LYN: variants seen among roughly 807,000 people sequenced by gnomAD.
The protein encoded by LYN is LYN proto-oncogene, Src family tyrosine kinase.
A neutral mutation model predicts 65.0 loss-of-function variants in LYN; 12 were observed. The ratio of observed to expected loss-of-function variants is 0.18; its 90% CI spans 0.12 to 0.30. The LOEUF is 0.30. LYN is among the 10% of genes least tolerant of loss of function. The pLI, the probability that LYN is intolerant of heterozygous loss-of-function variation, is 1.00. For synonymous variants in LYN, 222 were observed against 221.2 expected (o/e 1.00, Z -0.03); for missense variants, 380 against 623.2 (o/e 0.61, Z 4.16).
At chr8:55,943,946 G>C (rs1285972741) in intron 2 of LYN, among the ~76,000 whole-genome samples, 1 of 152,110 alleles carries the variant, frequency 6.6e-6, no homozygotes, top group East Asian at 1.9e-4. Flanking sequence ...AGCTGGGCAT[G>C]GTGGCACATG....
At chr8:55,994,836 C>T (rs887177454) in intron 10 of LYN, among the ~76,000 whole-genome samples, 7 of 152,182 alleles carry the variant, frequency 4.6e-5, no homozygotes, top group African/African-American at 1.7e-4. Context: ...GGGACAGAGT[C>T]AGCTATGACC....
chr8:55,922,978 C>T (rs894563648), intron 1 of LYN, among the ~76,000 whole-genome samples: 2 of 152,024 alleles, frequency 1.3e-5, no homozygotes, highest in Non-Finnish European at 2.9e-5. Context: ...ACTATCTGCT[C>T]CATGCCTTTC....
At chr8:55,948,606 G>C (rs1324220587) in intron 4 of LYN, among the ~76,000 whole-genome samples, 1 of 152,188 alleles carries the variant, frequency 6.6e-6, no homozygotes, top group Non-Finnish European at 1.5e-5. Context: ...ATTCTAGCTT[G>C]CTTTTCTTAC....
At chr8:55,970,884 A>G (rs1016108334) in intron 10 of LYN, among the ~76,000 whole-genome samples, 2 of 152,196 alleles carry the variant, frequency 1.3e-5, no homozygotes, top group African/African-American at 2.4e-5. Flanking sequence ...GTAAAACAGA[A>G]TGGTAATTCC....
chr8:55,903,698 C>G (rs1805343954), intron 1 of LYN, among the ~76,000 whole-genome samples: 1 of 152,154 alleles, frequency 6.6e-6, no homozygotes, highest in East Asian at 1.9e-4. Context: ...GTATGATTAA[C>G]CTGGCTATTA....
chr8:55,967,638 T>C (rs1807501767), intron 9 of LYN, among the ~76,000 whole-genome samples: 1 of 152,198 alleles, frequency 6.6e-6, no homozygotes, highest in Non-Finnish European at 1.5e-5. Context: ...TTATCTAATA[T>C]TCATTTTCCT....
At chr8:55,923,281 G>A (rs1585602406) in intron 1 of LYN, among the ~76,000 whole-genome samples, 2 of 152,280 alleles carry the variant, frequency 1.3e-5, no homozygotes, top group South Asian at 4.1e-4. Flanking sequence ...TGCGGGCAAT[G>A]TGAGAGATAA....
At chr8:55,921,204 T>C (rs1805938229) in intron 1 of LYN, among the ~76,000 whole-genome samples, 1 of 152,256 alleles carries the variant, frequency 6.6e-6, no homozygotes, top group Non-Finnish European at 1.5e-5. Flanking sequence ...GAATTGCTGC[T>C]GACCACAAAC....
At chr8:55,921,964 A>C (rs1415002890) in intron 1 of LYN, among the ~76,000 whole-genome samples, 1 of 152,216 alleles carries the variant, frequency 6.6e-6, no homozygotes, top group African/African-American at 2.4e-5. Context: ...CCCTGCTCTC[A>C]TGGAGCTTAC....
chr8:55,988,934 T>G (rs1230521142), intron 10 of LYN, among the ~76,000 whole-genome samples: 2 of 151,666 alleles, frequency 1.3e-5, no homozygotes, highest in African/African-American at 2.4e-5. Flanking sequence ...GCCTTGCTTG[T>G]CTTTGCCAAT....
At chr8:55,958,271 A>T (rs550951557) in intron 8 of LYN, among the ~76,000 whole-genome samples, 21 of 152,300 alleles carry the variant, frequency 1.4e-4, no homozygotes, top group Non-Finnish European at 2.9e-4. Flanking sequence ...ACACAGCTTA[A>T]TTTTAGAGAA....
chr8:55,915,464 G>A (rs941943371), intron 1 of LYN, among the ~76,000 whole-genome samples: 2 of 152,116 alleles, frequency 1.3e-5, no homozygotes, highest in African/African-American at 4.8e-5. Flanking sequence ...CAACACTTTC[G>A]GAAGCCAAGG....
At chr8:55,899,167 G>A (rs1333445380) in intron 1 of LYN, among the ~76,000 whole-genome samples, 1 of 152,142 alleles carries the variant, frequency 6.6e-6, no homozygotes, top group Non-Finnish European at 1.5e-5. Context: ...ACCTTTCACA[G>A]AAAATATAGT....
In LYN at chr8:55,887,578, A is replaced by ACT. The variant is rs1804836593; in HGVS notation, c.-6+7476_-6+7477insTC. ...TATAAATATATATATATATATATAC[A>ACT]CACACACACACACACACACACACAC... On this transcript the variant is annotated intron_variant, in intron 1 of 12. Coordinates refer to ENST00000519728, the MANE Select transcript of LYN (RefSeq NM_002350.4). Among the ~76,000 whole-genome samples the ACT allele has an allele frequency of 6.3e-5, 6 of 94,586 alleles. No individual in the cohort carries two copies. In the South Asian group the frequency reaches 1.9e-3, roughly 30 times the overall value. The allele number at this position is 94,586 out of a possible 152,430, so 62.1% of individuals were successfully genotyped here. A position where few individuals can be genotyped will look rare whatever the true frequency, so the allele number is the denominator to read the frequency against.
Position 55,880,101 on chromosome 8 carries a change from C to A in LYN, c.-8C>A. ...GCCGCCCCGAAACTTTCACCGCGAGCGGGTGAGTCCTCTGCGCGAGCCCAG... is the reference window on the plus strand; with the variant it reads ...GCCGCCCCGAAACTTTCACCGCGAGAGGGTGAGTCCTCTGCGCGAGCCCAG... On this transcript the variant is annotated splice_region_variant and 5_prime_UTR_variant, in exon 1 of 13. Transcript: ENST00000519728. 1 of 288,952 alleles carries A rather than the reference C, an allele frequency of 3.5e-6. No individual in the cohort carries two copies. The highest frequency in any genetic ancestry group is 7.0e-6 in the Non-Finnish European group (1 of 142,536). The allele number at this position is 288,952 out of a possible 1,614,324, so 17.9% of individuals were successfully genotyped here.
At chr8:55,922,662 G>T (rs1189711903) in intron 1 of LYN, among the ~76,000 whole-genome samples, 5 of 152,102 alleles carry the variant, frequency 3.3e-5, no homozygotes, top group Non-Finnish European at 7.4e-5. Context: ...AGCTATTGGG[G>T]GAGCTGAGGC....
At chr8:55,922,727 A>G (rs1432827694) in intron 1 of LYN, among the ~76,000 whole-genome samples, 2 of 152,070 alleles carry the variant, frequency 1.3e-5, no homozygotes, top group Non-Finnish European at 2.9e-5. Flanking sequence ...AGATTGTGCC[A>G]CTGCACTCCA....
intron 1 of LYN, among the ~76,000 whole-genome samples, chr8:55,920,317 A>G (rs1031266874): frequency 2.0e-5 from 3 of 152,226 alleles, no homozygotes; most frequent in Non-Finnish European, 2.9e-5. Flanking sequence ...CAGGATTCCC[A>G]TTCATAAAGC....
At chr8:55,959,886 A>G (rs1341612909) in intron 8 of LYN, among the ~76,000 whole-genome samples, 1 of 152,246 alleles carries the variant, frequency 6.6e-6, no homozygotes, top group African/African-American at 2.4e-5. Context: ...TTATAATAAC[A>G]CTATGTTAAG....
Sources: gnomAD v4.1 joint callset for allele counts (sites outside exome capture counted in the v4.1 genomes callset) on GRCh38, gnomAD v4.1.1 for gene constraint, MANE v1.5 for transcripts, NCBI Gene and HGNC (gene_info 2026-07-23, HGNC 2026-07-21) for gene names.